NRG3: variants seen among roughly 807,000 people sequenced by gnomAD.
NRG3 encodes neuregulin 3.
NRG3 carries 31 observed loss-of-function variants against 66.9 expected under a neutral mutation model. The ratio of observed to expected loss-of-function variants is 0.46; its 90% CI spans 0.35 to 0.63. NRG3 has a LOEUF of 0.63. NRG3 is among the 20% of genes least tolerant of loss of function. The pLI is 0.00. For missense variants in NRG3, 910 were observed against 878.9 expected, an observed-to-expected ratio of 1.04 and a Z score of -0.45; for synonymous variants, 393 against 359.4, an observed-to-expected ratio of 1.09 and a Z score of -1.06.
In NRG3 at chr10:81,876,989, C is replaced by T. The variant is rs369593229; in HGVS notation, c.823+826C>T. Among the ~76,000 whole-genome samples the T allele has an allele frequency of 7.6e-4, 116 of 152,198 alleles. 1 individual carries two copies. The highest frequency in any genetic ancestry group is 1.3e-3 in the Non-Finnish European group (87 of 68,006). ...TCCGTTCCCAAAGGTGGGGTGTGAACCTTATCTCCTCTCCCTCTGTGCCTG... is the reference window on the plus strand; with the variant it reads ...TCCGTTCCCAAAGGTGGGGTGTGAATCTTATCTCCTCTCCCTCTGTGCCTG... On this transcript the variant is annotated intron_variant, in intron 1 of 8. Coordinates refer to ENST00000372141, the MANE Select transcript of NRG3 (RefSeq NM_001010848.4).
intron 2 of NRG3, among the ~76,000 whole-genome samples, chr10:82,497,731 G>C (rs1248442870): frequency 6.6e-6 from 1 of 152,100 alleles, no homozygotes; most frequent in Non-Finnish European, 1.5e-5. Context: ...CTTCCAGATG[G>C]TGATTTCATT....
At chr10:82,685,628 C>G (rs1294805771) in intron 2 of NRG3, among the ~76,000 whole-genome samples, 1 of 152,080 alleles carries the variant, frequency 6.6e-6, no homozygotes, top group African/African-American at 2.4e-5. Context: ...AGATAGCTTG[C>G]TGTAACATTT....
At chr10:82,098,762 C>CT (rs1339296089) in intron 1 of NRG3, among the ~76,000 whole-genome samples, 3 of 151,874 alleles carry the variant, frequency 2.0e-5, no homozygotes, top group Non-Finnish European at 4.4e-5. Flanking sequence ...TAGATAGCAT[C>CT]TTTTTTTGTT....
intron 2 of NRG3, among the ~76,000 whole-genome samples, chr10:82,530,910 T>C (rs1847185570): frequency 6.6e-6 from 1 of 151,916 alleles, no homozygotes; most frequent in African/African-American, 2.4e-5. Flanking sequence ...TTTAGTGAAA[T>C]ATTTTAAAGA....
At chr10:81,963,098 T>A (rs115196113) in intron 1 of NRG3, among the ~76,000 whole-genome samples, 2,233 of 149,324 alleles carry the variant, frequency 0.015, 62 homozygotes, top group African/African-American at 0.052. Context: ...TGCTCATCTT[T>A]GGAAAATATG....
chr10:82,279,160 T>G (rs2079006593), intron 1 of NRG3, among the ~76,000 whole-genome samples: 1 of 152,162 alleles, frequency 6.6e-6, no homozygotes, highest in Admixed American at 6.6e-5. Flanking sequence ...AATGGATTTA[T>G]TTTTGGAGAT....
At chr10:82,493,820 G>C (rs1396445319) in intron 2 of NRG3, among the ~76,000 whole-genome samples, 2 of 152,092 alleles carry the variant, frequency 1.3e-5, no homozygotes, top group Non-Finnish European at 2.9e-5. Flanking sequence ...AACCTACAGA[G>C]TGGGAGACCA....
intron 1 of NRG3, among the ~76,000 whole-genome samples, chr10:81,891,037 AT>A (rs1211252761): frequency 6.6e-6 from 1 of 152,328 alleles, no homozygotes; most frequent in East Asian, 1.9e-4. Context: ...CACATGCTGC[AT>A]TTTGGGAAGA....
At chr10:82,024,445 C>A (rs1362531303) in intron 1 of NRG3, among the ~76,000 whole-genome samples, 1 of 151,778 alleles carries the variant, frequency 6.6e-6, no homozygotes, top group Non-Finnish European at 1.5e-5. Context: ...ATTAATTTCA[C>A]CTGTTTCTTT....
intron 1 of NRG3, among the ~76,000 whole-genome samples, chr10:82,064,854 GGAA>G: frequency 6.6e-6 from 1 of 152,238 alleles, no homozygotes; most frequent in African/African-American, 2.4e-5. Context: ...TATTTTTAAT[GGAA>G]GAAGAATTAT....
chr10:82,224,055 C>T (rs2076063493), intron 1 of NRG3, among the ~76,000 whole-genome samples: 1 of 152,178 alleles, frequency 6.6e-6, no homozygotes, highest in South Asian at 2.1e-4. Context: ...AGGGATGCCA[C>T]CATGTGAGAA....
At chr10:82,188,421 C>G (rs1011538887) in intron 1 of NRG3, among the ~76,000 whole-genome samples, 2 of 151,930 alleles carry the variant, frequency 1.3e-5, no homozygotes, top group Non-Finnish European at 2.9e-5. Context: ...GAGCAGTACC[C>G]CAGCATAAGC....
At chr10:82,233,951 T>C (rs2076629394) in intron 1 of NRG3, among the ~76,000 whole-genome samples, 1 of 152,138 alleles carries the variant, frequency 6.6e-6, no homozygotes, top group South Asian at 2.1e-4. Context: ...AGCAAGCCGC[T>C]TTCATCTTAC....
At chr10:82,480,595 A>G (rs1018115383) in intron 2 of NRG3, among the ~76,000 whole-genome samples, 2 of 152,180 alleles carry the variant, frequency 1.3e-5, no homozygotes, top group Admixed American at 6.5e-5. Flanking sequence ...TCTCATTTAC[A>G]TTACATATTG....
intron 8 of NRG3, 114 bp downstream of exon 8, chr10:82,979,234 T>G (rs1444851858): frequency 9.2e-7 from 1 of 1,085,180 alleles, no homozygotes; most frequent in Non-Finnish European, 1.3e-6. Context: ...TAACTGGCTA[T>G]ATATGCTTAC....
At position 82,828,169 on chromosome 10, in the gene NRG3, C is replaced by T. The variant is rs1051757876; in HGVS notation, c.1028-37242C>T. On this transcript the variant is annotated intron_variant, in intron 3 of 8. Transcript: ENST00000372141. The stretch of plus-strand genomic sequence containing the variant: ...ATAGGAGGGTTCAGCCAAGCCATAG[C>T]ATTGTCCAGAGCAAGGATGGCGTAA... Among the ~76,000 whole-genome samples, 60 of 152,056 alleles carry T rather than the reference C, an allele frequency of 3.9e-4. 1 individual carries two copies. The highest frequency in any genetic ancestry group is 1.3e-4 in the Admixed American group (2 of 15,246).
intron 3 of NRG3, among the ~76,000 whole-genome samples, chr10:82,830,778 C>A (rs2062478562): frequency 6.6e-6 from 1 of 152,184 alleles, no homozygotes; most frequent in Non-Finnish European, 1.5e-5. Flanking sequence ...ATAAAGGAAC[C>A]CATCTAGGGA....
chr10:81,894,594 G>A (rs573402298), intron 1 of NRG3, among the ~76,000 whole-genome samples: 1 of 152,266 alleles, frequency 6.6e-6, no homozygotes, highest in Non-Finnish European at 1.5e-5. Flanking sequence ...ACACAATTCA[G>A]TTCATAATAG....
At chr10:82,562,779 TG>T (rs1004842339) in intron 2 of NRG3, among the ~76,000 whole-genome samples, 1 of 151,586 alleles carries the variant, frequency 6.6e-6, no homozygotes, top group Admixed American at 6.6e-5. Flanking sequence ...TGGTCGGCCT[TG>T]TTGGAATTTT....
Sources: gnomAD v4.1 joint callset for allele counts (sites outside exome capture counted in the v4.1 genomes callset) on GRCh38, gnomAD v4.1.1 for gene constraint, MANE v1.5 for transcripts, NCBI Gene and HGNC (gene_info 2026-07-23, HGNC 2026-07-21) for gene names.